Variants in TSPAN18 observed in about 807,000 individuals in gnomAD.
TSPAN18 encodes tetraspanin 18, also known as tetraspanin-18.
TSPAN18 carries 14 observed loss-of-function variants against 27.3 expected under a neutral mutation model. The observed-to-expected ratio is 0.51, with a 90% CI of 0.34 to 0.80. The LOEUF (loss-of-function observed/expected upper bound fraction) is 0.80. Ranked by LOEUF, TSPAN18 falls within the 30% of genes least tolerant of loss-of-function variation. The pLI, the probability that TSPAN18 is intolerant of heterozygous loss-of-function variation, is 0.01. For missense variants in TSPAN18, 268 were observed against 323.9 expected (o/e 0.83, Z 1.32); for synonymous variants, 143 against 136.5 (o/e 1.05, Z -0.33).
chr11:44,893,313 T>C (rs1335779163), intron 3 of TSPAN18, among the ~76,000 whole-genome samples: 4 of 152,162 alleles, frequency 2.6e-5, no homozygotes, highest in African/African-American at 7.2e-5. Context: ...TAGGATCCAA[T>C]TGCATCCACA....
chr11:44,789,080 C>T (rs1273734249), intron 2 of TSPAN18, among the ~76,000 whole-genome samples: 4 of 152,202 alleles, frequency 2.6e-5, no homozygotes, highest in African/African-American at 4.8e-5. Context: ...ATTTTCCCTT[C>T]GCGCTAACCT....
In TSPAN18 at chr11:44,761,078, G is replaced by A. The variant is rs141233992; in HGVS notation, c.-239-3348G>A. On this transcript the variant is annotated intron_variant, in intron 1 of 9. Transcript: ENST00000520358. ...CATAGCTGAGGAGTCCAGGCATGAC[G>A]TAGATAGGTCGCTTGCTCTGGGTCA... Among the ~76,000 whole-genome samples the A allele has an allele frequency of 9.6e-4, 146 of 152,276 alleles. 1 individual carries two copies. The highest frequency in any genetic ancestry group is 3.4e-3 in the African/African-American group (141 of 41,540).
intron 3 of TSPAN18, among the ~76,000 whole-genome samples, chr11:44,870,820 A>G (rs1858173760): frequency 6.6e-6 from 1 of 151,728 alleles, no homozygotes; most frequent in South Asian, 2.1e-4. Context: ...ATGTCACTAC[A>G]CTCCATTCTG....
chr11:44,829,776 G>T (rs1857117753), intron 2 of TSPAN18, among the ~76,000 whole-genome samples: 1 of 152,066 alleles, frequency 6.6e-6, no homozygotes, highest in Non-Finnish European at 1.5e-5. Flanking sequence ...TTCCAAAGTG[G>T]CTGCACCATT....
intron 3 of TSPAN18, among the ~76,000 whole-genome samples, chr11:44,891,674 C>T (rs1188876719): frequency 6.6e-6 from 1 of 152,146 alleles, no homozygotes; most frequent in Non-Finnish European, 1.5e-5. Context: ...GCCGTCAGCC[C>T]ATGTGTGTGT....
chr11:44,909,491 T>A (rs985254894), intron 4 of TSPAN18: 1 of 561,070 alleles, frequency 1.8e-6, no homozygotes, highest in Middle Eastern at 4.7e-4. Flanking sequence ...AGAGGATGCG[T>A]GTTGCACTTA....
chr11:44,733,165 T>G (rs901321635), intron 1 of TSPAN18, among the ~76,000 whole-genome samples: 1 of 152,190 alleles, frequency 6.6e-6, no homozygotes, highest in Non-Finnish European at 1.5e-5. Flanking sequence ...AGGAAGTACA[T>G]GGATATTTGA....
rs142867926 is a variant in TSPAN18 at position 44,743,792 on chromosome 11, C to G, written c.-240+16505C>G. ...GGCATGCCAGGTGCCTTCCTTGGGC[C>G]CAGAGCTCCATAGAAGGAAAAGACT... is the stretch of plus-strand genomic sequence containing the variant. On this transcript the variant is annotated intron_variant, in intron 1 of 9. Coordinates refer to ENST00000520358, the MANE Select transcript of TSPAN18 (RefSeq NM_130783.5). Among the ~76,000 whole-genome samples the G allele has an allele frequency of 3.8e-3, 579 of 152,154 alleles. 4 individuals carry two copies. Among genetic ancestry groups the G allele is most frequent in the African/African-American group, 0.013 (558 of 41,490 alleles).
At chr11:44,780,362 T>C (rs959211550) in intron 2 of TSPAN18, among the ~76,000 whole-genome samples, 1 of 152,224 alleles carries the variant, frequency 6.6e-6, no homozygotes. Flanking sequence ...CCAGGGAGGA[T>C]GGGAAGGTTG....
chr11:44,920,865 C>T (rs551979053), intron 8 of TSPAN18, among the ~76,000 whole-genome samples: 1 of 152,346 alleles, frequency 6.6e-6, no homozygotes, highest in African/African-American at 2.4e-5. Flanking sequence ...GCAAGATGAA[C>T]AAGCAGCAAA....
At chr11:44,799,979 C>T (rs1404098921) in intron 2 of TSPAN18, among the ~76,000 whole-genome samples, 4 of 151,096 alleles carry the variant, frequency 2.6e-5, no homozygotes, top group African/African-American at 4.9e-5. Context: ...TACAGGTGCA[C>T]ACCACCACAC....
intron 2 of TSPAN18, among the ~76,000 whole-genome samples, chr11:44,781,745 A>G (rs2134953173): frequency 6.6e-6 from 1 of 152,292 alleles, no homozygotes; most frequent in South Asian, 2.1e-4. Context: ...ACAGACATAA[A>G]TTGTACAATA....
intron 2 of TSPAN18, among the ~76,000 whole-genome samples, chr11:44,843,482 C>G (rs1857417356): frequency 6.6e-6 from 1 of 152,210 alleles, no homozygotes; most frequent in South Asian, 2.1e-4. Flanking sequence ...ATTAAAATTG[C>G]TAATGAAGTT....
intron 3 of TSPAN18, among the ~76,000 whole-genome samples, chr11:44,891,892 C>T (rs868163513): frequency 2.1e-4 from 32 of 152,188 alleles, no homozygotes; most frequent in African/African-American, 4.6e-4. Flanking sequence ...AAAGCACGAA[C>T]GTAGGCAGGA....
At chr11:44,829,118 A>G (rs2135139346) in intron 2 of TSPAN18, among the ~76,000 whole-genome samples, 1 of 152,338 alleles carries the variant, frequency 6.6e-6, no homozygotes, top group South Asian at 2.1e-4. Context: ...AGGCACACAC[A>G]TGGTTTCCCT....
In TSPAN18 at chr11:44,773,806, C is replaced by T. The variant is rs143555341; in HGVS notation, c.-153+9294C>T. Reference sequence around the variant, plus strand: ...ACAAGACCAGCCTGGGAACCCCTGGCGTCCTGGGAACCCTGGGTCAATAAG... The same window carrying T: ...ACAAGACCAGCCTGGGAACCCCTGGTGTCCTGGGAACCCTGGGTCAATAAG... On this transcript the variant is annotated intron_variant, in intron 2 of 9. Coordinates refer to ENST00000520358, the MANE Select transcript of TSPAN18 (RefSeq NM_130783.5). Among the ~76,000 whole-genome samples, 851 of 152,258 alleles carry T rather than the reference C, an allele frequency of 5.6e-3. 5 individuals are homozygous for T. The highest frequency in any genetic ancestry group is 0.02 in the African/African-American group (822 of 41,538).
chr11:44,804,335 C>G (rs528300521), intron 2 of TSPAN18, among the ~76,000 whole-genome samples: 3 of 152,364 alleles, frequency 2.0e-5, no homozygotes, highest in Admixed American at 1.3e-4. Flanking sequence ...CTGTGATCTG[C>G]CCACCTCGGC....
intron 3 of TSPAN18, among the ~76,000 whole-genome samples, chr11:44,870,784 C>T (rs957169335): frequency 6.6e-6 from 1 of 152,170 alleles, no homozygotes; most frequent in African/African-American, 2.4e-5. Context: ...TTGTTTAACA[C>T]CTGCACCACA....
At chr11:44,911,630 C>T (rs1457176560) in intron 5 of TSPAN18, among the ~76,000 whole-genome samples, 8 of 152,104 alleles carry the variant, frequency 5.3e-5, no homozygotes, top group Non-Finnish European at 1.2e-4. Flanking sequence ...CTCCCTTTCC[C>T]CCTCCTCACC....
Sources: gnomAD v4.1 joint callset for allele counts (sites outside exome capture counted in the v4.1 genomes callset) on GRCh38, gnomAD v4.1.1 for gene constraint, MANE v1.5 for transcripts, NCBI Gene and HGNC (gene_info 2026-07-23, HGNC 2026-07-21) for gene names.